PALMD: variants seen among roughly 807,000 people sequenced by gnomAD.
PALMD encodes the protein palmdelphin.
Under a neutral mutation model 56.2 loss-of-function variants are expected in PALMD, and 42 were observed. That is an observed-to-expected ratio of 0.75 (90% CI 0.58 to 0.97). The LOEUF is 0.97. Among genes scored for constraint, PALMD ranks in the 50% least tolerant of loss-of-function variants. The pLI is 0.00. For missense variants in PALMD, 660 were observed against 643.8 expected (o/e 1.03, Z -0.27); for synonymous variants, 242 against 222.9 (o/e 1.09, Z -0.76).
At chr1:99,653,360 G>A (rs1434790311) in intron 1 of PALMD, among the ~76,000 whole-genome samples, 1 of 152,060 alleles carries the variant, frequency 6.6e-6, no homozygotes, top group Non-Finnish European at 1.5e-5. Context: ...AGCCTGGTTT[G>A]GTTTTGTTTT....
chr1:99,648,631 CAT>C (rs1413257218), intron 1 of PALMD, among the ~76,000 whole-genome samples: 2 of 151,614 alleles, frequency 1.3e-5, no homozygotes, highest in African/African-American at 2.4e-5. Flanking sequence ...TGCACCCAGA[CAT>C]AGCAACACAT....
At chr1:99,661,189 G>C (rs1372425464) in intron 1 of PALMD, among the ~76,000 whole-genome samples, 1 of 151,948 alleles carries the variant, frequency 6.6e-6, no homozygotes, top group Non-Finnish European at 1.5e-5. Flanking sequence ...TTATCCTTTG[G>C]GAGTTTTTAA....
chr1:99,661,678 G>C lies in PALMD; in HGVS notation c.46-641G>C, dbSNP rs114425981. 5.9e-3 allele frequency among the ~76,000 whole-genome samples: 892 copies of C among 152,290 alleles called. 9 individuals are homozygous for C. The highest frequency in any genetic ancestry group is 0.021 in the African/African-American group (857 of 41,562). On this transcript the variant is annotated intron_variant, in intron 1 of 7. Coordinates refer to ENST00000263174, the MANE Select transcript of PALMD (RefSeq NM_017734.5). ...AAAGTACAACCTTTTTGTATCAGTAGTTATGCTTTCTGGGTTGTCCGAGGT... is the reference window on the plus strand; with the variant it reads ...AAAGTACAACCTTTTTGTATCAGTACTTATGCTTTCTGGGTTGTCCGAGGT...
intron 1 of PALMD, among the ~76,000 whole-genome samples, chr1:99,649,544 T>G (rs1268378553): frequency 6.6e-6 from 1 of 152,132 alleles, no homozygotes; most frequent in East Asian, 1.9e-4. Flanking sequence ...ACAGAGTTAC[T>G]GTCTGAAAGT....
intron 7 of PALMD, 72 bp downstream of exon 7, chr1:99,689,944 T>G (rs763162311): frequency 7.0e-7 from 1 of 1,430,986 alleles, no homozygotes; most frequent in Non-Finnish European, 9.4e-7. Context: ...AATGCAGTCT[T>G]GCTTTCAGGC....
At position 99,689,163 on chromosome 1, in the gene PALMD, C is replaced by T; in HGVS notation, c.903C>T (p.Ser301=). The T allele has an allele frequency of 1.2e-6, 2 of 1,613,404 alleles. No homozygotes were observed. The highest frequency in any genetic ancestry group is 1.7e-6 in the Non-Finnish European group (2 of 1,179,726). ...GACTGGGTATTGGTGTAAATGAATC[C>T]ATACACAATATGGGCAATGGTCTTT... ...TNGLGIGVNE[S]IHNMGNGLSE... Residue 301 remains serine (S), a synonymous_variant, in exon 7 of 8, where the codon TCC becomes TCT. Coordinates refer to ENST00000263174, the MANE Select transcript of PALMD (RefSeq NM_017734.5).
At chr1:99,654,830 G>T (rs1380668592) in intron 1 of PALMD, among the ~76,000 whole-genome samples, 1 of 152,052 alleles carries the variant, frequency 6.6e-6, no homozygotes, top group Admixed American at 6.6e-5. Flanking sequence ...TTGGTTGGTT[G>T]ATTTCTCTGA....
At chr1:99,673,735 C>A (rs12035402) in intron 3 of PALMD, among the ~76,000 whole-genome samples, 10,603 of 152,116 alleles carry the variant, frequency 0.07, 549 homozygotes, top group Admixed American at 0.16. Context: ...GCCAAGTAAA[C>A]CAAACTTAAA....
intron 2 of PALMD, 128 bp from the exon 3 acceptor site, chr1:99,667,514 A>C: frequency 1.3e-6 from 1 of 768,782 alleles, no homozygotes; most frequent in South Asian, 1.7e-5. Context: ...TATTCAGGCA[A>C]GGCACTGACA....
Position 99,662,321 on chromosome 1 carries a change from TA to T in PALMD, c.52del (p.Arg18GlufsTer12). 6.6e-7 allele frequency: 1 copy of T among 1,505,556 alleles called. No homozygotes were observed. Among genetic ancestry groups the T allele is most frequent in the Non-Finnish European group, 9.2e-7 (1 of 1,090,276 alleles). The allele number at this position is 1,505,556 out of a possible 1,614,324, so 93.3% of individuals were successfully genotyped here. A position where few individuals can be genotyped will look rare whatever the true frequency, so the allele number is the denominator to read the frequency against. On this transcript the variant is annotated frameshift_variant, in exon 2 of 8. Transcript: ENST00000263174. LOFTEE classifies it high-confidence loss of function. Reference sequence around the variant, plus strand: ...ATACTGGAACTTTTTTATTTCAGGATAAAAGAAAAATACAGGAAGAAATCTC... The same window carrying T: ...ATACTGGAACTTTTTTATTTCAGGATAAAGAAAAATACAGGAAGAAATCTC... The part of the protein sequence containing the change: ...VKGRLQAITD[K>X]RKIQEEISQK...
intron 1 of PALMD, among the ~76,000 whole-genome samples, chr1:99,653,311 C>T (rs1268638332): frequency 6.6e-6 from 1 of 152,118 alleles, no homozygotes; most frequent in Non-Finnish European, 1.5e-5. Context: ...TTACCATCAC[C>T]CCTTGATTAT....
chr1:99,654,265 G>A (rs1362671674), intron 1 of PALMD, among the ~76,000 whole-genome samples: 1 of 151,934 alleles, frequency 6.6e-6, no homozygotes, highest in African/African-American at 2.4e-5. Context: ...AAAAGCAGTA[G>A]CTTTCTGAAA....
At chr1:99,688,684 T>A (rs939291690) in intron 6 of PALMD, 91 bp from the exon 7 acceptor site, 3 of 795,036 alleles carry the variant, frequency 3.8e-6, no homozygotes, top group Non-Finnish European at 6.1e-6. Context: ...ACATGAAGGG[T>A]CTACTTAATA....
intron 3 of PALMD, among the ~76,000 whole-genome samples, chr1:99,670,720 A>G (rs1231366859): frequency 6.6e-6 from 1 of 152,220 alleles, no homozygotes; most frequent in Non-Finnish European, 1.5e-5. Context: ...ATCTGGTTAA[A>G]AATATAACAG....
intron 3 of PALMD, among the ~76,000 whole-genome samples, chr1:99,674,471 T>C (rs1421174996): frequency 6.6e-6 from 1 of 152,118 alleles, no homozygotes; most frequent in Non-Finnish European, 1.5e-5. Flanking sequence ...GAGTCACACA[T>C]AGGTCTTTCT....
intron 3 of PALMD, among the ~76,000 whole-genome samples, chr1:99,670,444 G>A (rs1279878283): frequency 6.6e-6 from 1 of 152,100 alleles, no homozygotes; most frequent in Non-Finnish European, 1.5e-5. Context: ...GGAAATAGGC[G>A]CAGAGAAAGA....
chr1:99,685,886 T>TG (rs1653482083), intron 3 of PALMD: 1 of 152,200 alleles, frequency 6.6e-6, no homozygotes, highest in African/African-American at 2.4e-5. Context: ...GTCACGATGC[T>TG]GCCCCCTGGA....
At chr1:99,693,413 A>G (rs1337189880) in intron 7 of PALMD, among the ~76,000 whole-genome samples, 3 of 152,228 alleles carry the variant, frequency 2.0e-5, no homozygotes, top group Non-Finnish European at 4.4e-5. Flanking sequence ...TACATTCAAT[A>G]TATTATTAGC....
intron 3 of PALMD, among the ~76,000 whole-genome samples, chr1:99,681,101 A>G (rs74781716): frequency 3.3e-3 from 168 of 51,092 alleles, no homozygotes; most frequent in African/African-American, 0.015. Flanking sequence ...ATGTGTGTGT[A>G]TATATGTGTG....
Sources: gnomAD v4.1 joint callset for allele counts (sites outside exome capture counted in the v4.1 genomes callset) on GRCh38, gnomAD v4.1.1 for gene constraint, MANE v1.5 for transcripts, NCBI Gene and HGNC (gene_info 2026-07-23, HGNC 2026-07-21) for gene names.